EZH2: variants seen among roughly 807,000 people sequenced by gnomAD.
EZH2 encodes the protein histone-lysine N-methyltransferase EZH2.
Under a neutral mutation model 98.4 loss-of-function variants are expected in EZH2, and 18 were observed. The ratio of observed to expected loss-of-function variants is 0.18; its 90% CI spans 0.13 to 0.27. The LOEUF is 0.27. Ranked by LOEUF, EZH2 falls within the 10% of genes least tolerant of loss-of-function variation. EZH2 has a pLI of 1.00. For synonymous variants in EZH2, 338 were observed against 312.3 expected (o/e 1.08, Z -0.87); for missense variants, 470 against 935.1 (o/e 0.50, Z 6.49).
At chr7:148,813,558 C>G (rs1803758626) in intron 15 of EZH2, among the ~76,000 whole-genome samples, 1 of 151,678 alleles carries the variant, frequency 6.6e-6, no homozygotes, top group African/African-American at 2.4e-5. Context: ...AGCAAGGAAT[C>G]TATAAATACT....
intron 1 of EZH2, chr7:148,876,092 A>T (rs1183449110): frequency 6.6e-6 from 1 of 152,206 alleles, no homozygotes; most frequent in African/African-American, 2.4e-5. Context: ...TGAGCCCAGG[A>T]GGTCAAGGTT....
At chr7:148,873,704 A>G (rs960891724) in intron 1 of EZH2, among the ~76,000 whole-genome samples, 2 of 151,846 alleles carry the variant, frequency 1.3e-5, no homozygotes, top group Admixed American at 6.6e-5. Flanking sequence ...ATGGTACTTA[A>G]ATAATTATTT....
At position 148,851,479 on chromosome 7, in the gene EZH2, T is replaced by C. The variant is rs759127376; in HGVS notation, c.-7-4174A>G. 4.0e-4 allele frequency among the ~76,000 whole-genome samples: 61 copies of C among 152,274 alleles called. 1 individual carries two copies. The highest frequency in any genetic ancestry group is 2.8e-4 in the Non-Finnish European group (19 of 68,018). On this transcript the variant is annotated intron_variant, in intron 1 of 19. Transcript: ENST00000320356. ...TTAGATGTTAGCTCCCCTGACCTCC[T>C]TCCCCCACAACAAACGACTGGCTCA...
rs140616632 is a variant in EZH2, at chr7:148,829,715, G to A, written c.484+13C>T. ...TTAGCCCCTTTTTCCAAGAGAAGAA[G>A]CATATGGCTCACCTCTATCCCCGTG... On this transcript the variant is annotated intron_variant, in intron 5 of 19. Transcript: ENST00000320356. 5,939 of 1,606,364 alleles carry A rather than the reference G, an allele frequency of 3.7e-3. 14 individuals carry two copies. Among genetic ancestry groups the A allele is most frequent in the Non-Finnish European group, 4.6e-3 (5,396 of 1,177,848 alleles).
intron 1 of EZH2, among the ~76,000 whole-genome samples, chr7:148,856,425 G>GTA (rs1250137642): frequency 6.6e-6 from 1 of 152,196 alleles, no homozygotes; most frequent in African/African-American, 2.4e-5. Context: ...AGAAACGTAG[G>GTA]TATGTATGCA....
intron 1 of EZH2, among the ~76,000 whole-genome samples, chr7:148,851,966 A>G (rs908166726): frequency 3.3e-5 from 5 of 152,254 alleles, no homozygotes; most frequent in African/African-American, 1.2e-4. Context: ...CTGTGTAAAT[A>G]CATATGGTTT....
chr7:148,809,532 T>C (rs563476149), intron 17 of EZH2, 142 bp from the exon 18 acceptor site: 7 of 584,622 alleles, frequency 1.2e-5, no homozygotes, highest in East Asian at 8.2e-5. Flanking sequence ...CTTCATTCAG[T>C]AAGAAATGAC....
intron 3 of EZH2, among the ~76,000 whole-genome samples, chr7:148,844,233 T>G (rs1813366926): frequency 6.6e-6 from 1 of 152,164 alleles, no homozygotes; most frequent in Admixed American, 6.5e-5. Context: ...TGGAAATGCT[T>G]AAACGAAAGA....
chr7:148,844,257 G>A (rs1056402974), intron 3 of EZH2, among the ~76,000 whole-genome samples: 14 of 152,130 alleles, frequency 9.2e-5, no homozygotes, highest in African/African-American at 3.4e-4. Context: ...AATAAACAGG[G>A]ATATATTCTC....
chr7:148,843,497 G>A (rs767244979), intron 3 of EZH2, among the ~76,000 whole-genome samples: 4 of 150,110 alleles, frequency 2.7e-5, no homozygotes, highest in East Asian at 2.0e-4. Context: ...ACTTTTGTCC[G>A]ACATTCTTTA....
chr7:148,837,418 G>A (rs966022916), intron 3 of EZH2, among the ~76,000 whole-genome samples: 3 of 152,170 alleles, frequency 2.0e-5, no homozygotes, highest in African/African-American at 7.2e-5. Flanking sequence ...CTGTCACCAA[G>A]TCTAGAGAAA....
intron 1 of EZH2, among the ~76,000 whole-genome samples, chr7:148,858,932 A>G (rs2129487840): frequency 6.6e-6 from 1 of 152,298 alleles, no homozygotes; most frequent in East Asian, 1.9e-4. Flanking sequence ...TCAAACAACA[A>G]ATCAAAAGGA....
chr7:148,810,481 A>C, intron 16 of EZH2, 67 bp from the exon 17 acceptor site: 4 of 1,079,946 alleles, frequency 3.7e-6, no homozygotes, highest in Non-Finnish European at 5.7e-6. Context: ...GAACACACAA[A>C]AGCGCACAGA....
intron 3 of EZH2, among the ~76,000 whole-genome samples, chr7:148,838,182 C>T (rs1274218184): frequency 3.3e-5 from 5 of 150,358 alleles, no homozygotes; most frequent in Non-Finnish European, 5.9e-5. Context: ...GATTATCTCA[C>T]CTCAGCCTCC....
rs143616974 is a variant in EZH2, at chr7:148,876,228, A to G, written c.-8+7936T>C. 972 of 152,174 alleles carry G rather than the reference A, an allele frequency of 6.4e-3. 82 individuals carry two copies. In the East Asian group the frequency reaches 0.17, roughly 26 times the overall value. The allele number at this position is 152,174 out of a possible 1,614,324, so 9.4% of individuals were successfully genotyped here. A position where few individuals can be genotyped will look rare whatever the true frequency, so the allele number is the denominator to read the frequency against. On this transcript the variant is annotated intron_variant, in intron 1 of 19. Transcript: ENST00000320356. Reference sequence around the variant, plus strand: ...CTTGAACCCAGGAGGCGGAGGTTGCAGTGAGCCGAGATCATGCCATTGCAC... The same window carrying G: ...CTTGAACCCAGGAGGCGGAGGTTGCGGTGAGCCGAGATCATGCCATTGCAC...
In EZH2 at chr7:148,813,065, A is replaced by G. The variant is rs557663755; in HGVS notation, c.1851+894T>C. On this transcript the variant is annotated intron_variant, in intron 15 of 19. Transcript: ENST00000320356. Reference sequence around the variant, plus strand: ...CTACACCCCACATACACACACACACACACACACACACACACACACAGAGCA... The same window carrying G: ...CTACACCCCACATACACACACACACGCACACACACACACACACACAGAGCA... Among the ~76,000 whole-genome samples, 250 of 151,622 alleles carry G rather than the reference A, an allele frequency of 1.6e-3. 4 individuals are homozygous for G. In the South Asian group the frequency reaches 0.035, roughly 21 times the overall value.
intron 15 of EZH2, among the ~76,000 whole-genome samples, chr7:148,813,061 A>G (rs2268036): frequency 0.55 from 66,351 of 121,662 alleles, 14,618 homozygotes; most frequent in African/African-American, 0.57. Flanking sequence ...ATACACACAC[A>G]CACACACACA....
chr7:148,865,804 T>C (rs1280507621), intron 1 of EZH2, among the ~76,000 whole-genome samples: 4 of 152,198 alleles, frequency 2.6e-5, no homozygotes, highest in Non-Finnish European at 5.9e-5. Flanking sequence ...GACTAGGTGG[T>C]TCAAACTACT....
intron 1 of EZH2, among the ~76,000 whole-genome samples, chr7:148,852,365 C>G (rs188037473): frequency 2.0e-5 from 3 of 152,246 alleles, no homozygotes; most frequent in African/African-American, 7.2e-5. Context: ...TTTTTGCCAC[C>G]CAGGGTCAAT....
Sources: gnomAD v4.1 joint callset for allele counts (sites outside exome capture counted in the v4.1 genomes callset) on GRCh38, gnomAD v4.1.1 for gene constraint, MANE v1.5 for transcripts, NCBI Gene and HGNC (gene_info 2026-07-23, HGNC 2026-07-21) for gene names.